ADH4: variants seen among roughly 807,000 people sequenced by gnomAD.
The protein encoded by ADH4 is all-trans-retinol dehydrogenase [NAD(+)] ADH4.
In ADH4, 31 loss-of-function variants were observed where a neutral mutation model predicts 35.2. That is an observed-to-expected ratio of 0.88 (90% CI 0.66 to 1.19). The LOEUF (loss-of-function observed/expected upper bound fraction) is 1.19. Ranked by LOEUF, ADH4 falls within the 50% of genes most tolerant of loss-of-function variation. The pLI is 0.00. For missense variants in ADH4, 476 were observed against 458.3 expected (o/e 1.04, Z -0.35); for synonymous variants, 171 against 160.2 (o/e 1.07, Z -0.51).
At chr4:99,135,784 C>T (rs923790415) in intron 5 of ADH4, among the ~76,000 whole-genome samples, 1 of 152,112 alleles carries the variant, frequency 6.6e-6, no homozygotes, top group Non-Finnish European at 1.5e-5. Flanking sequence ...CTGCATTTTG[C>T]GGTTTTGAGT....
chr4:99,136,920 C>T (rs549958908), intron 4 of ADH4, among the ~76,000 whole-genome samples: 78 of 151,716 alleles, frequency 5.1e-4, no homozygotes, highest in Non-Finnish European at 9.4e-4. Flanking sequence ...GACAGGGTGT[C>T]ATTTCGTCAC....
intron 2 of ADH4, 94 bp downstream of exon 2, chr4:99,142,585 G>T (rs1010344868): frequency 5.8e-5 from 37 of 634,968 alleles, no homozygotes; most frequent in Non-Finnish European, 8.3e-5. Flanking sequence ...AAACTCCAAG[G>T]CCTCTGAATC....
Position 99,124,096 on chromosome 4 carries a change from G to A in ADH4, c.*346C>T. ...AGAGAAAAGTATAATGAAACTCCATGTATTCATTACCCAATCTAAAAAAAT... is the reference window on the plus strand; with the variant it reads ...AGAGAAAAGTATAATGAAACTCCATATATTCATTACCCAATCTAAAAAAAT... On this transcript the variant is annotated 3_prime_UTR_variant, in exon 9 of 9. Coordinates refer to ENST00000265512, the MANE Select transcript of ADH4 (RefSeq NM_000670.5). The A allele has an allele frequency of 4.8e-6, 1 of 207,528 alleles. No homozygotes were observed. Among genetic ancestry groups the A allele is most frequent in the Non-Finnish European group, 9.4e-6 (1 of 106,400 alleles). The allele number at this position is 207,528 out of a possible 1,614,324, so 12.9% of individuals were successfully genotyped here. A position where few individuals can be genotyped will look rare whatever the true frequency, so the allele number is the denominator to read the frequency against.
rs1342182294 is a variant in ADH4 at position 99,144,197 on chromosome 4, T to C, written c.18+8A>G. 1 of 1,613,690 alleles carries C rather than the reference T, an allele frequency of 6.2e-7. No homozygotes were observed. The highest frequency in any genetic ancestry group is 8.5e-7 in the Non-Finnish European group (1 of 1,179,712). On this transcript the variant is annotated splice_region_variant and intron_variant, in intron 1 of 8. Coordinates refer to ENST00000265512, the MANE Select transcript of ADH4 (RefSeq NM_000670.5). ...CAAACTGAACAAAGATACAGCTTAC[T>C]TGCTTACTTTGCCCTTGGTGCCCAT... is the stretch of plus-strand genomic sequence containing the variant.
At chr4:99,142,348 T>C (rs963683070) in intron 2 of ADH4, among the ~76,000 whole-genome samples, 2 of 152,220 alleles carry the variant, frequency 1.3e-5, no homozygotes, top group Non-Finnish European at 2.9e-5. Context: ...ATCTTCCTTT[T>C]AATAACACTT....
At chr4:99,143,189 A>C in intron 1 of ADH4, 3 of 702,086 alleles carry the variant, frequency 4.3e-6, no homozygotes, top group Non-Finnish European at 7.8e-6. Context: ...TTGCTGGAGA[A>C]TAGATGTGTT....
chr4:99,135,444 T>G (rs543995713), intron 5 of ADH4, among the ~76,000 whole-genome samples: 1 of 151,844 alleles, frequency 6.6e-6, no homozygotes, highest in African/African-American at 2.4e-5. Context: ...AGAAAAAAAT[T>G]TGGGGTGAAA....
intron 6 of ADH4, among the ~76,000 whole-genome samples, chr4:99,129,490 C>A (rs1560775958): frequency 6.6e-6 from 1 of 152,118 alleles, no homozygotes; most frequent in African/African-American, 2.4e-5. Context: ...TATGTTAAAA[C>A]AAAGTCTCTT....
At chr4:99,141,353 A>G (rs2110505233) in intron 3 of ADH4, among the ~76,000 whole-genome samples, 188 bp downstream of exon 3, 1 of 152,294 alleles carries the variant, frequency 6.6e-6, no homozygotes, top group East Asian at 1.9e-4. Context: ...ATTTTATTAG[A>G]CAATTCTGAT....
intron 5 of ADH4, among the ~76,000 whole-genome samples, chr4:99,135,152 C>T (rs1729396582): frequency 6.6e-6 from 1 of 151,968 alleles, no homozygotes; most frequent in African/African-American, 2.4e-5. Flanking sequence ...AAGACAGAGG[C>T]TGGTGGTGGC....
At position 99,132,955 on chromosome 4, in the gene ADH4, A is replaced by G. The variant is rs193106676; in HGVS notation, c.583-1191T>C. On this transcript the variant is annotated intron_variant, in intron 5 of 8. Transcript: ENST00000265512. ...TACTCAGAGGAAATAATAAATATGT[A>G]TATATATTGCAAATAGTAAGAATAT... is the stretch of plus-strand genomic sequence containing the variant. Among the ~76,000 whole-genome samples, 53 of 152,304 alleles carry G rather than the reference A, an allele frequency of 3.5e-4. 2 individuals carry two copies. The East Asian group carries it at 7.1e-3, about 20-fold the overall frequency.
rs1579391658 is a variant in ADH4, at chr4:99,127,107, G to T, written c.979+102C>A. 1.5e-5 allele frequency: 14 copies of T among 944,846 alleles called. No individual in the cohort carries two copies. In the East Asian group the frequency reaches 3.4e-4, roughly 23 times the overall value. The allele number at this position is 944,846 out of a possible 1,614,324, so 58.5% of individuals were successfully genotyped here. A position where few individuals can be genotyped will look rare whatever the true frequency, so the allele number is the denominator to read the frequency against. ...TTTGGATATGCTCTAGGGATTCAAT[G>T]GTTGAATAAATTATTTTTATTTCTT... On this transcript the variant is annotated intron_variant, in intron 7 of 8. Transcript: ENST00000265512.
intron 3 of ADH4, among the ~76,000 whole-genome samples, chr4:99,140,866 CAAAA>C (rs35246304): frequency 1.6e-5 from 2 of 127,474 alleles, no homozygotes; most frequent in Admixed American, 7.8e-5. Flanking sequence ...GGCTCCATCT[CAAAA>C]AAAAAAAAAA....
intron 4 of ADH4, among the ~76,000 whole-genome samples, chr4:99,138,373 G>T (rs996198277): frequency 1.3e-5 from 2 of 152,146 alleles, no homozygotes; most frequent in African/African-American, 4.8e-5. Flanking sequence ...TTAAATAACT[G>T]CTTTCAATTA....
rs555693623 is a variant in ADH4, at chr4:99,131,441, C to A, written c.843+63G>T. Reference sequence around the variant, plus strand: ...TACCATAATAAACATAATCCACTTTCCCCTATTATTTGACAGCCAAAGAAT... The same window carrying A: ...TACCATAATAAACATAATCCACTTTACCCTATTATTTGACAGCCAAAGAAT... On this transcript the variant is annotated intron_variant, in intron 6 of 8. Coordinates refer to ENST00000265512, the MANE Select transcript of ADH4 (RefSeq NM_000670.5). 4 of 1,533,862 alleles carry A rather than the reference C, an allele frequency of 2.6e-6. No homozygotes were observed. The South Asian group carries it at 4.9e-5, about 19-fold the overall frequency.
At chr4:99,144,098 A>G in intron 1 of ADH4, 107 bp downstream of exon 1, 1 of 1,309,494 alleles carries the variant, frequency 7.6e-7, no homozygotes, top group Non-Finnish European at 1.1e-6. Flanking sequence ...CCTTTTGATC[A>G]ACTGTAAGTC....
chr4:99,142,943 T>C, intron 1 of ADH4, 163 bp from the exon 2 acceptor site: 1 of 612,710 alleles, frequency 1.6e-6, no homozygotes, highest in Non-Finnish European at 2.9e-6. Flanking sequence ...GATATTATTT[T>C]AAAGACAAGG....
At chr4:99,131,351 A>G (rs1185371074) in intron 6 of ADH4, among the ~76,000 whole-genome samples, 153 bp downstream of exon 6, 3 of 152,142 alleles carry the variant, frequency 2.0e-5, no homozygotes, top group Non-Finnish European at 4.4e-5. Context: ...AGTATAGCTG[A>G]GGGAATGGGA....
At chr4:99,134,914 A>G (rs1729390115) in intron 5 of ADH4, among the ~76,000 whole-genome samples, 1 of 150,908 alleles carries the variant, frequency 6.6e-6, no homozygotes, top group African/African-American at 2.4e-5. Flanking sequence ...GATAAGAAGG[A>G]CTTTCTGGAT....
Sources: gnomAD v4.1 joint callset for allele counts (sites outside exome capture counted in the v4.1 genomes callset) on GRCh38, gnomAD v4.1.1 for gene constraint, MANE v1.5 for transcripts, NCBI Gene and HGNC (gene_info 2026-07-23, HGNC 2026-07-21) for gene names.